Variants in ZNF236 observed in about 807,000 individuals in gnomAD.
ZNF236 encodes the protein zinc finger protein 236, also known as regulated by glucose.
A neutral mutation model predicts 191.2 loss-of-function variants in ZNF236; 50 were observed. That is an observed-to-expected ratio of 0.26 (90% CI 0.21 to 0.33). The LOEUF (loss-of-function observed/expected upper bound fraction) is 0.33. Ranked by LOEUF, ZNF236 falls within the 10% of genes least tolerant of loss-of-function variation. The pLI is 1.00. For synonymous variants in ZNF236, 907 were observed against 928.8 expected, an observed-to-expected ratio of 0.98 and a Z score of 0.43; for missense variants, 1,754 against 2,374.5, an observed-to-expected ratio of 0.74 and a Z score of 5.43.
Position 76,956,265 on chromosome 18 carries a change from A to G in ZNF236, c.5112+83A>G, listed in dbSNP as rs974031527. 21 of 1,479,744 alleles carry G rather than the reference A, an allele frequency of 1.4e-5. No individual in the cohort carries two copies. In the African/African-American group the frequency reaches 2.9e-4, roughly 21 times the overall value. 91.7% of individuals were successfully genotyped at this position (1,479,744 alleles called of 1,614,324 possible). A position where few individuals can be genotyped will look rare whatever the true frequency, so the allele number is the denominator to read the frequency against. On this transcript the variant is annotated intron_variant, in intron 28 of 30. Transcript: ENST00000320610. ...GTCCAAGATTTAACACTGGCCGGGA[A>G]TCTGGCATGTGTTTTTGAGGAAAAG...
Position 76,828,122 on chromosome 18 carries a change from C to T in ZNF236, c.55+5460C>T, listed in dbSNP as rs4890826. 5.5e-3 allele frequency among the ~76,000 whole-genome samples: 833 copies of T among 151,818 alleles called. 7 individuals are homozygous for T. Among genetic ancestry groups the T allele is most frequent in the African/African-American group, 0.019 (770 of 41,406 alleles). On this transcript the variant is annotated intron_variant, in intron 1 of 30. Coordinates refer to ENST00000320610, the MANE Select transcript of ZNF236 (RefSeq NM_001306089.2). ...AGTTTTCTTGGATGAATTCAAGAGCCCAAGGGGAGGCACCACCAGTGTAAG... is the reference window on the plus strand; with the variant it reads ...AGTTTTCTTGGATGAATTCAAGAGCTCAAGGGGAGGCACCACCAGTGTAAG...
chr18:76,959,934 A>G, intron 29 of ZNF236, 118 bp downstream of exon 29: 1 of 1,242,138 alleles, frequency 8.1e-7, no homozygotes, highest in South Asian at 1.6e-5. Flanking sequence ...TTTATAAAGC[A>G]AGGTCCACAT....
At position 76,847,723 on chromosome 18, in the gene ZNF236, C is replaced by A. The variant is rs9963865; in HGVS notation, c.56-1803C>A. Reference sequence around the variant, plus strand: ...TGACTTCGTGTTCCACCCGCCTTGGCCTCCTGCCTCCCAAAGTGCTGGGAC... The same window carrying A: ...TGACTTCGTGTTCCACCCGCCTTGGACTCCTGCCTCCCAAAGTGCTGGGAC... On this transcript the variant is annotated intron_variant, in intron 1 of 30. Transcript: ENST00000320610. 5.7e-3 allele frequency among the ~76,000 whole-genome samples: 861 copies of A among 152,198 alleles called. 7 individuals are homozygous for A. The highest frequency in any genetic ancestry group is 0.019 in the African/African-American group (797 of 41,530).
rs758166965 is a variant in ZNF236, at chr18:76,960,761, G to C, written c.5325G>C (p.Thr1775=). Residue 1775 remains threonine (T), a synonymous_variant, in exon 30 of 31, where the codon ACG becomes ACC. Coordinates refer to ENST00000320610, the MANE Select transcript of ZNF236 (RefSeq NM_001306089.2). This position sits in a 1 kb window ranked among gnomAD's most constrained non-coding sequence, Gnocchi z 4.4. ...TGCAGGTGCACATGAAGAAGCACAC[G>C]GGGGAGCGGCCCTACAAGTGTGCCT... ...SALQVHMKKH[T]GERPYKCAYC... 1.2e-6 allele frequency: 2 copies of C among 1,614,062 alleles called. No individual in the cohort carries two copies. Among genetic ancestry groups the C allele is most frequent in the South Asian group, 2.2e-5 (2 of 91,066 alleles).
intron 20 of ZNF236, among the ~76,000 whole-genome samples, chr18:76,922,560 C>CTTT (rs112571512): frequency 7.0e-6 from 1 of 143,256 alleles, no homozygotes; most frequent in African/African-American, 2.6e-5. Context: ...AGGAAATTGT[C>CTTT]TTTTTTTTTT....
At chr18:76,879,756 G>A (rs1976824339) in intron 7 of ZNF236, among the ~76,000 whole-genome samples, 1 of 152,088 alleles carries the variant, frequency 6.6e-6, no homozygotes, top group Admixed American at 6.5e-5. Context: ...TGACTGCAGT[G>A]GTTTCTTTCC....
At position 76,966,394 on chromosome 18, in the gene ZNF236, T is replaced by C. The variant is rs113968404; in HGVS notation, c.5420-1821T>C. 4.4e-3 allele frequency among the ~76,000 whole-genome samples: 668 copies of C among 152,318 alleles called. 7 individuals carry two copies. The highest frequency in any genetic ancestry group is 0.015 in the African/African-American group (625 of 41,558). On this transcript the variant is annotated intron_variant, in intron 30 of 30. Transcript: ENST00000320610. ...ACAGAATTTGATTAGATTAAATTTATATTTTGGCAAGGGCACAGAAATTTA... is the reference window on the plus strand; with the variant it reads ...ACAGAATTTGATTAGATTAAATTTACATTTTGGCAAGGGCACAGAAATTTA...
chr18:76,941,385 G>T (rs1483592567), intron 26 of ZNF236, among the ~76,000 whole-genome samples: 1 of 152,186 alleles, frequency 6.6e-6, no homozygotes, highest in Non-Finnish European at 1.5e-5. Flanking sequence ...AGCGCCTCAG[G>T]ACAAACTCCA....
intron 3 of ZNF236, among the ~76,000 whole-genome samples, chr18:76,853,125 C>G (rs570466409): frequency 6.6e-6 from 1 of 151,802 alleles, no homozygotes; most frequent in African/African-American, 2.4e-5. Context: ...GTTGCCCAGG[C>G]TGGAGTGCAA....
chr18:76,842,976 T>C (rs959969770), intron 1 of ZNF236, among the ~76,000 whole-genome samples: 1 of 152,196 alleles, frequency 6.6e-6, no homozygotes, highest in Admixed American at 6.5e-5. Context: ...TGAGAGCTCC[T>C]TCTTGGAAGA....
intron 5 of ZNF236, among the ~76,000 whole-genome samples, chr18:76,873,757 G>A (rs1314924024): frequency 6.6e-6 from 1 of 152,154 alleles, no homozygotes; most frequent in African/African-American, 2.4e-5. Flanking sequence ...AGGCAGTGTC[G>A]TGACTGGGCC....
In ZNF236 at chr18:76,971,282, C is replaced by T. The variant is rs1388850602; in HGVS notation, c.*2943C>T. 6.6e-6 allele frequency among the ~76,000 whole-genome samples: 1 copy of T among 152,200 alleles called. No individual in the cohort carries two copies. The highest frequency in any genetic ancestry group is 1.9e-4 in the East Asian group (1 of 5,202). On this transcript the variant is annotated 3_prime_UTR_variant, in exon 31 of 31. Transcript: ENST00000320610. ...ACATGCAGATTGAAATGCTACCCCA[C>T]CCCCATCAAGCTCTACTTTTTCCCC...
Position 76,927,588 on chromosome 18 carries a change from A to G in ZNF236, c.4414+71A>G. On this transcript the variant is annotated intron_variant, in intron 24 of 30. Coordinates refer to ENST00000320610, the MANE Select transcript of ZNF236 (RefSeq NM_001306089.2). The surrounding 1 kb of genome is among the most constrained non-coding windows in gnomAD (Gnocchi z 5.4). ...TTTCTTGCTTGTGATTACATATTTG[A>G]ATTTAGGATGTTATGATGTCATTTT... is the stretch of plus-strand genomic sequence containing the variant. 2 of 1,538,194 alleles carry G rather than the reference A, an allele frequency of 1.3e-6. No homozygotes were observed. Among genetic ancestry groups the G allele is most frequent in the Non-Finnish European group, 1.7e-6 (2 of 1,143,146 alleles).
At chr18:76,887,284 A>T (rs1388208338) in intron 9 of ZNF236, 1 of 152,292 alleles carries the variant, frequency 6.6e-6, no homozygotes, top group Non-Finnish European at 1.5e-5. Flanking sequence ...AGGAAGGAGA[A>T]TGGCTTGAAC....
intron 1 of ZNF236, among the ~76,000 whole-genome samples, chr18:76,835,991 T>C (rs935892915): frequency 9.9e-5 from 15 of 152,164 alleles, no homozygotes; most frequent in Non-Finnish European, 2.1e-4. Flanking sequence ...CACTGCAACC[T>C]CCACCTCCTG....
rs1458038239 is a variant in ZNF236 at position 76,947,643 on chromosome 18, A to G, written c.4905A>G (p.Ile1635Met). ...PQSASAACEEIAYQVAGVSGN... is the reference protein window; with the variant it reads ...PQSASAACEEMAYQVAGVSGN... Reference sequence around the variant, plus strand: ...CAGCGTCTGCTGCTTGTGAAGAAATAGCCTACCAGGTACAGGATATTCCTT... The same window carrying G: ...CAGCGTCTGCTGCTTGTGAAGAAATGGCCTACCAGGTACAGGATATTCCTT... The change falls in exon 27 of 31, where the codon ATA becomes ATG. Residue 1635 changes from isoleucine to methionine, a missense_variant. Around this residue, in one of 5 missense-constraint regions of ZNF236, gnomAD observed 606 missense variants for 761.5 expected, o/e 0.80. Transcript: ENST00000320610. 2 of 1,613,544 alleles carry G rather than the reference A, an allele frequency of 1.2e-6. No individual in the cohort carries two copies. Among genetic ancestry groups the G allele is most frequent in the African/African-American group, 1.3e-5 (1 of 74,964 alleles).
In ZNF236 at chr18:76,919,477, C is replaced by T. The variant is rs1033470666; in HGVS notation, c.3275-299C>T. Among the ~76,000 whole-genome samples the T allele has an allele frequency of 1.3e-5, 2 of 152,188 alleles. No individual in the cohort carries two copies. The highest frequency in any genetic ancestry group is 2.4e-5 in the African/African-American group (1 of 41,514). Reference sequence around the variant, plus strand: ...ATATACATTGTTGTTAACTAGTCACCCTACTCTGCTATCAAACATTAGAGC... The same window carrying T: ...ATATACATTGTTGTTAACTAGTCACTCTACTCTGCTATCAAACATTAGAGC... On this transcript the variant is annotated intron_variant, in intron 19 of 30. Coordinates refer to ENST00000320610, the MANE Select transcript of ZNF236 (RefSeq NM_001306089.2). This position sits in a 1 kb window ranked among gnomAD's most constrained non-coding sequence, Gnocchi z 5.3.
chr18:76,901,891 A>G (rs1977604915), intron 11 of ZNF236, among the ~76,000 whole-genome samples: 1 of 152,188 alleles, frequency 6.6e-6, no homozygotes, highest in South Asian at 2.1e-4. Flanking sequence ...GAATACTTTG[A>G]TATCCTTGTC....
At chr18:76,882,365 A>G (rs1355603815) in intron 9 of ZNF236, among the ~76,000 whole-genome samples, 1 of 152,110 alleles carries the variant, frequency 6.6e-6, no homozygotes, top group African/African-American at 2.4e-5. Context: ...GCGTTCTCTC[A>G]TGTTAATTGT....
Sources: gnomAD v4.1 joint callset for allele counts (sites outside exome capture counted in the v4.1 genomes callset) on GRCh38, gnomAD v4.1.1 for gene constraint, gnomAD v4.1.1 regional missense constraint, Gnocchi (gnomAD v3.1) non-coding constraint, MANE v1.5 for transcripts, NCBI Gene and HGNC (gene_info 2026-07-23, HGNC 2026-07-21) for gene names.